Variants in RBFOX1 observed in about 807,000 individuals in gnomAD.
RBFOX1 encodes the protein RNA binding fox-1 homolog 1.
In RBFOX1, 8 loss-of-function variants were observed where a neutral mutation model predicts 57.7. The ratio of observed to expected loss-of-function variants is 0.14; its 90% CI spans 0.08 to 0.25. The LOEUF (loss-of-function observed/expected upper bound fraction) is 0.25, where lower values mean the gene tolerates loss of function less well. Ranked by LOEUF, RBFOX1 falls within the 10% of genes least tolerant of loss-of-function variation. RBFOX1 has a pLI of 1.00. For missense variants in RBFOX1, 611 were observed against 548.5 expected (o/e 1.11, Z -1.14); for synonymous variants, 326 against 222.4 (o/e 1.47, Z -4.15).
chr16:7,698,170 C>G (rs879274768), intron 14 of RBFOX1, among the ~76,000 whole-genome samples: 1 of 131,060 alleles, frequency 7.6e-6, no homozygotes, highest in African/African-American at 2.8e-5. Flanking sequence ...GTTTTAGACA[C>G]AGAGTCCAAG....
At chr16:6,231,484 G>C (rs57902286) in intron 1 of RBFOX1, among the ~76,000 whole-genome samples, 29,114 of 152,158 alleles carry the variant, frequency 0.19, 3,469 homozygotes, top group East Asian at 0.36. Context: ...TAATTGAGGA[G>C]CACCAGATGG....
At chr16:7,054,586 C>T (rs889193264) in intron 4 of RBFOX1, among the ~76,000 whole-genome samples, 4 of 146,416 alleles carry the variant, frequency 2.7e-5, no homozygotes, top group Non-Finnish European at 6.0e-5. Flanking sequence ...GAATTTAGAA[C>T]TGGAAGGTAA....
At position 6,914,909 on chromosome 16, in the gene RBFOX1, G is replaced by C. The variant is rs77484565; in HGVS notation, c.-15-137148G>C. On this transcript the variant is annotated intron_variant, in intron 3 of 15. Coordinates refer to ENST00000550418, the MANE Select transcript of RBFOX1 (RefSeq NM_018723.4). The stretch of plus-strand genomic sequence containing the variant: ...TCAAAAACAAAACACAGATGGATAG[G>C]TTTGAGACAGCCCTCACTCACATAA... 3.7e-3 allele frequency among the ~76,000 whole-genome samples: 566 copies of C among 152,296 alleles called. 4 individuals carry two copies. The highest frequency in any genetic ancestry group is 0.013 in the African/African-American group (529 of 41,560).
intron 2 of RBFOX1, among the ~76,000 whole-genome samples, chr16:6,524,642 A>G (rs1026279593): frequency 1.5e-4 from 23 of 152,112 alleles, no homozygotes; most frequent in African/African-American, 5.1e-4. Flanking sequence ...AGTAGCACAG[A>G]CTTCTCTCAC....
At chr16:6,600,562 A>C (rs1459719966) in intron 2 of RBFOX1, among the ~76,000 whole-genome samples, 3 of 152,172 alleles carry the variant, frequency 2.0e-5, no homozygotes. Context: ...ATAAGATGTA[A>C]TTTACTACAA....
At chr16:5,991,996 G>C (rs79806217) in intron 4 of RBFOX1, among the ~76,000 whole-genome samples, 2 of 152,102 alleles carry the variant, frequency 1.3e-5, no homozygotes, top group East Asian at 3.9e-4. Flanking sequence ...CAGGTAGTGA[G>C]AAAAAAATAC....
intron 3 of RBFOX1, among the ~76,000 whole-genome samples, chr16:6,698,569 G>T (rs552033007): frequency 2.6e-5 from 4 of 151,962 alleles, no homozygotes; most frequent in Non-Finnish European, 4.4e-5. Flanking sequence ...AGTCATCATC[G>T]TCAATTAGTA....
At chr16:7,665,048 A>ACTTGGCGTAGTTGAGTTTCTCTC in intron 13 of RBFOX1, 80 bp downstream of exon 13, 1 of 1,612,830 alleles carries the variant, frequency 6.2e-7, no homozygotes, top group South Asian at 1.1e-5. Context: ...GAATTTCTCT[A>ACTTGGCGTAGTTGAGTTTCTCTC]CTTGGCGTAG....
chr16:7,422,365 T>C (rs909976238), intron 4 of RBFOX1, among the ~76,000 whole-genome samples: 2 of 152,026 alleles, frequency 1.3e-5, no homozygotes, highest in African/African-American at 4.8e-5. Flanking sequence ...ACTGGGGAAA[T>C]GGCGGCAAGC....
intron 4 of RBFOX1, among the ~76,000 whole-genome samples, chr16:7,303,307 C>T (rs558196416): frequency 6.6e-6 from 1 of 152,262 alleles, no homozygotes; most frequent in Admixed American, 6.5e-5. Flanking sequence ...CCTCCCTCAG[C>T]CCAAGCTCCC....
chr16:7,490,854 T>C (rs972501633), intron 4 of RBFOX1, among the ~76,000 whole-genome samples: 3 of 152,220 alleles, frequency 2.0e-5, no homozygotes, highest in African/African-American at 7.2e-5. Context: ...GCTGTTACTC[T>C]CTGATTCTCA....
chr16:5,460,624 C>A (rs530520770), intron 1 of RBFOX1, among the ~76,000 whole-genome samples: 25 of 152,222 alleles, frequency 1.6e-4, no homozygotes, highest in Non-Finnish European at 3.4e-4. Flanking sequence ...GTCACAGCAA[C>A]ATGCTTTCCA....
At chr16:7,300,306 G>T (rs1452163708) in intron 4 of RBFOX1, among the ~76,000 whole-genome samples, 1 of 151,996 alleles carries the variant, frequency 6.6e-6, no homozygotes, top group Non-Finnish European at 1.5e-5. Context: ...GGCTAGAACA[G>T]TGCCTGGAAT....
At chr16:7,210,835 T>A (rs747560485) in intron 4 of RBFOX1, among the ~76,000 whole-genome samples, 35 of 152,134 alleles carry the variant, frequency 2.3e-4, no homozygotes, top group Non-Finnish European at 7.3e-5. Context: ...ATGTACAGTA[T>A]GATGACTCTA....
intron 1 of RBFOX1, among the ~76,000 whole-genome samples, chr16:6,069,433 G>A (rs367704310): frequency 6.6e-6 from 1 of 151,628 alleles, no homozygotes; most frequent in East Asian, 1.9e-4. Context: ...GGATAAAGGG[G>A]GAGAGGGAGA....
chr16:6,680,201 T>C (rs1684725265), intron 3 of RBFOX1, among the ~76,000 whole-genome samples: 2 of 152,090 alleles, frequency 1.3e-5, no homozygotes, highest in East Asian at 1.9e-4. Context: ...GCTGCGCATA[T>C]ATTCAGTAAG....
Position 7,038,082 on chromosome 16 carries a change from C to A in RBFOX1, c.-15-13975C>A, listed in dbSNP as rs189017643. The stretch of plus-strand genomic sequence containing the variant: ...AAATGGTATGTAAATCCCCCACTTG[C>A]CCTCCCCTCCACACTCTTTCCCACC... On this transcript the variant is annotated intron_variant, in intron 3 of 15. Coordinates refer to ENST00000550418, the MANE Select transcript of RBFOX1 (RefSeq NM_018723.4). 6.8e-4 allele frequency among the ~76,000 whole-genome samples: 104 copies of A among 152,178 alleles called. 2 individuals carry two copies. The highest frequency in any genetic ancestry group is 2.5e-3 in the African/African-American group (104 of 41,526).
At chr16:5,292,544 G>A (rs558203713) in intron 1 of RBFOX1, among the ~76,000 whole-genome samples, 10 of 152,274 alleles carry the variant, frequency 6.6e-5, no homozygotes, top group African/African-American at 2.2e-4. Context: ...ATGCAAATAG[G>A]CACTCATGCA....
At chr16:7,209,290 G>C (rs765168050) in intron 4 of RBFOX1, among the ~76,000 whole-genome samples, 2 of 152,060 alleles carry the variant, frequency 1.3e-5, no homozygotes, top group Non-Finnish European at 2.9e-5. Flanking sequence ...AGCTGATATC[G>C]TGCCATTGCA....
Sources: gnomAD v4.1 joint callset for allele counts (sites outside exome capture counted in the v4.1 genomes callset) on GRCh38, gnomAD v4.1.1 for gene constraint, MANE v1.5 for transcripts, NCBI Gene and HGNC (gene_info 2026-07-23, HGNC 2026-07-21) for gene names.